The following SERINC5 variants were observed in gnomAD, a reference collection of about 807,000 sequenced individuals.
SERINC5 encodes serine incorporator 5.
A neutral mutation model predicts 63.1 loss-of-function variants in SERINC5; 41 were observed. That is an observed-to-expected ratio of 0.65 (90% CI 0.51 to 0.84). SERINC5 has a LOEUF of 0.84. Ranked by LOEUF, SERINC5 falls within the 40% of genes least tolerant of loss-of-function variation. The pLI is 0.00. For missense variants in SERINC5, 523 were observed against 573.0 expected (o/e 0.91, Z 0.89); for synonymous variants, 222 against 215.2 (o/e 1.03, Z -0.28).
At chr5:80,193,216 A>G (rs1169435429) in intron 2 of SERINC5, among the ~76,000 whole-genome samples, 1 of 152,256 alleles carries the variant, frequency 6.6e-6, no homozygotes, top group Non-Finnish European at 1.5e-5. Flanking sequence ...CAGAGTAAGT[A>G]TCAAGATTCA....
intron 2 of SERINC5, among the ~76,000 whole-genome samples, chr5:80,196,625 A>G (rs1749513889): frequency 1.3e-5 from 2 of 152,224 alleles, no homozygotes; most frequent in Admixed American, 1.3e-4. Context: ...GGTACAAACA[A>G]TCCAAATGTC....
chr5:80,112,530 G>A lies in SERINC5; in HGVS notation c.*30-828C>T, dbSNP rs368013357. On this transcript the variant is annotated intron_variant, in intron 12 of 12. Transcript: ENST00000509193. The stretch of plus-strand genomic sequence containing the variant: ...GGTGCAGGTCCTCCGTATGCTGAGC[G>A]CCAGTCTGCTGGGCCCACTGTTCTT... Among the ~76,000 whole-genome samples, 102 of 152,208 alleles carry A rather than the reference G, an allele frequency of 6.7e-4. No individual in the cohort carries two copies. In the South Asian group the frequency reaches 1.0e-2, roughly 15 times the overall value.
At chr5:80,176,750 TA>T (rs1029861858) in intron 4 of SERINC5, among the ~76,000 whole-genome samples, 1 of 152,198 alleles carries the variant, frequency 6.6e-6, no homozygotes, top group Admixed American at 6.5e-5. Flanking sequence ...ATGTTTTTAA[TA>T]CCTTACTTAG....
chr5:80,126,967 A>G (rs1744769062), intron 11 of SERINC5, among the ~76,000 whole-genome samples: 1 of 152,216 alleles, frequency 6.6e-6, no homozygotes, highest in Admixed American at 6.5e-5. Context: ...AAAACTTTCA[A>G]AGAAGAAGAT....
chr5:80,179,954 C>A (rs1748312611), intron 2 of SERINC5, among the ~76,000 whole-genome samples: 1 of 152,172 alleles, frequency 6.6e-6, no homozygotes, highest in Non-Finnish European at 1.5e-5. Context: ...AACCCAATAT[C>A]CTGTTTTAAG....
chr5:80,128,853 T>G (rs553536623), intron 11 of SERINC5: 1 of 152,224 alleles, frequency 6.6e-6, no homozygotes, highest in Non-Finnish European at 1.5e-5. Flanking sequence ...ATTCTTACTC[T>G]TTCCCTCCCT....
At chr5:80,131,241 G>A (rs1283342825) in intron 11 of SERINC5, among the ~76,000 whole-genome samples, 2 of 152,102 alleles carry the variant, frequency 1.3e-5, no homozygotes, top group Non-Finnish European at 2.9e-5. Context: ...TAAGTCTCAC[G>A]AGATCTGATG....
chr5:80,122,947 A>G (rs1056580400), intron 11 of SERINC5, among the ~76,000 whole-genome samples: 2 of 152,264 alleles, frequency 1.3e-5, no homozygotes, highest in Non-Finnish European at 2.9e-5. Flanking sequence ...CTTGATTTCC[A>G]GCCCTGTGCT....
chr5:80,149,018 A>G (rs1746004051), intron 9 of SERINC5, among the ~76,000 whole-genome samples: 1 of 152,216 alleles, frequency 6.6e-6, no homozygotes, highest in Non-Finnish European at 1.5e-5. Context: ...AGTTACCATA[A>G]GAAACTATGA....
rs2112527194 is a variant in SERINC5, at chr5:80,216,364, G to A, written c.28-13311C>T. Among the ~76,000 whole-genome samples the A allele has an allele frequency of 2.0e-5, 3 of 152,322 alleles. No individual in the cohort carries two copies. The Middle Eastern group carries it at 0.01, about 518-fold the overall frequency. ...TGGCTCCCCAGTTAAGAGCCACTGAGTTAGGGGTGAAAAGCAAGAGCCATC... is the reference window on the plus strand; with the variant it reads ...TGGCTCCCCAGTTAAGAGCCACTGAATTAGGGGTGAAAAGCAAGAGCCATC... On this transcript the variant is annotated intron_variant, in intron 1 of 11. Transcript: ENST00000507668.
Position 80,143,652 on chromosome 5 carries a change from C to G in SERINC5, c.*11G>C. 6.5e-7 allele frequency: 1 copy of G among 1,535,296 alleles called. No homozygotes were observed. The highest frequency in any genetic ancestry group is 8.7e-7 in the Non-Finnish European group (1 of 1,146,450). ...TGTAGGCCCACAAAGCCCAGGGGAC[C>G]GCCGATATCATCACACAGAGAACTC... On this transcript the variant is annotated 3_prime_UTR_variant, in exon 12 of 12. Coordinates refer to ENST00000507668, the MANE Select transcript of SERINC5 (RefSeq NM_001174072.3).
rs576698116 is a variant in SERINC5 at position 80,170,087 on chromosome 5, T to C, written c.552-541A>G. 2.0e-5 allele frequency among the ~76,000 whole-genome samples: 3 copies of C among 152,280 alleles called. No homozygotes were observed. In the South Asian group the frequency reaches 6.2e-4, roughly 32 times the overall value. ...AACTAGTGCCCAGTAAACCCTGCTA[T>C]ACAAGAGATATGATCAACATTCAAA... On this transcript the variant is annotated intron_variant, in intron 5 of 11. Transcript: ENST00000507668.
chr5:80,230,244 G>A (rs1181407477), intron 1 of SERINC5, among the ~76,000 whole-genome samples: 5 of 152,178 alleles, frequency 3.3e-5, no homozygotes, highest in African/African-American at 9.6e-5. Context: ...GCTGAGGCAG[G>A]CAGATCACTT....
Position 80,146,114 on chromosome 5 carries a change from A to G in SERINC5, c.1214T>C (p.Met405Thr), listed in dbSNP as rs1195859877. The stretch of plus-strand genomic sequence containing the variant: ...CTTGAACCAGTTGGTGACGGTCATC[A>G]TCACATACAGGGAAGCTAGGAAGAA... ...FVFFLASLYV[M>T]MTVTNWFNYE... The change falls in exon 11 of 12, where the codon ATG (methionine) becomes ACG (threonine). Residue 405 changes from methionine (M) to threonine (T), a missense_variant. By Grantham distance (81) the Met-to-Thr change is moderately conservative (BLOSUM62 -1). Transcript: ENST00000507668. The G allele has an allele frequency of 1.2e-6, 2 of 1,614,042 alleles. No individual in the cohort carries two copies. Among genetic ancestry groups the G allele is most frequent in the South Asian group, 1.1e-5 (1 of 91,086 alleles).
intron 1 of SERINC5, among the ~76,000 whole-genome samples, chr5:80,251,749 C>CA (rs1454070525): frequency 1.3e-5 from 2 of 149,444 alleles, no homozygotes; most frequent in Admixed American, 6.7e-5. Context: ...AAAAAAAAGA[C>CA]AGAGTGAACC....
At position 80,255,982 on chromosome 5, in the gene SERINC5, G is replaced by C. The variant is rs372668429; in HGVS notation, c.-60C>G. 3,578 of 1,446,590 alleles carry C rather than the reference G, an allele frequency of 2.5e-3. 49 individuals carry two copies. The South Asian group carries it at 0.029, about 12-fold the overall frequency. 89.6% of individuals were successfully genotyped at this position (1,446,590 alleles called of 1,614,324 possible). A position where few individuals can be genotyped will look rare whatever the true frequency, so the allele number is the denominator to read the frequency against. Reference sequence around the variant, plus strand: ...TCCCCGCGCCGCACGGGCCCTCCTGGCTGCCTCGCGCCTCGAGCGCTGGGC... The same window carrying C: ...TCCCCGCGCCGCACGGGCCCTCCTGCCTGCCTCGCGCCTCGAGCGCTGGGC... On this transcript the variant is annotated 5_prime_UTR_variant, in exon 1 of 12. Transcript: ENST00000507668.
chr5:80,208,804 A>C (rs576745024), intron 1 of SERINC5, among the ~76,000 whole-genome samples: 2 of 152,280 alleles, frequency 1.3e-5, no homozygotes, highest in Non-Finnish European at 2.9e-5. Context: ...AAACAGCCTT[A>C]TTTTCCAGCT....
chr5:80,252,837 A>G (rs916072069), intron 1 of SERINC5, among the ~76,000 whole-genome samples: 1 of 152,192 alleles, frequency 6.6e-6, no homozygotes, highest in African/African-American at 2.4e-5. Context: ...ATTGAAACCC[A>G]GGCCTGAGTC....
chr5:80,152,712 G>A (rs953777505), intron 8 of SERINC5, among the ~76,000 whole-genome samples: 4 of 151,846 alleles, frequency 2.6e-5, no homozygotes, highest in African/African-American at 9.7e-5. Flanking sequence ...AGGCCAAGGC[G>A]GGTGGATCCC....
Sources: gnomAD v4.1 joint callset for allele counts (sites outside exome capture counted in the v4.1 genomes callset) on GRCh38, gnomAD v4.1.1 for gene constraint, MANE v1.5 for transcripts, NCBI Gene and HGNC (gene_info 2026-07-23, HGNC 2026-07-21) for gene names.